NRG3: variants seen among roughly 807,000 people sequenced by gnomAD.
The protein encoded by NRG3 is pro-neuregulin-3, membrane-bound isoform.
In NRG3, 31 loss-of-function variants were observed where a neutral mutation model predicts 66.9. The observed-to-expected ratio is 0.46, with a 90% CI of 0.35 to 0.63. The LOEUF (loss-of-function observed/expected upper bound fraction) is 0.63. Ranked by LOEUF, NRG3 falls within the 20% of genes least tolerant of loss-of-function variation. The probability of loss-of-function intolerance (pLI) is 0.00; values close to 1 mark genes in which losing one functional copy is unlikely to be tolerated. For missense variants in NRG3, 910 were observed against 878.9 expected, an observed-to-expected ratio of 1.04 and a Z score of -0.45; for synonymous variants, 393 against 359.4, an observed-to-expected ratio of 1.09 and a Z score of -1.06.
intron 2 of NRG3, among the ~76,000 whole-genome samples, chr10:82,455,722 C>T (rs1368949751): frequency 6.6e-6 from 1 of 151,578 alleles, no homozygotes; most frequent in Non-Finnish European, 1.5e-5. Context: ...TCACGCCATT[C>T]TCCTGCCTCA....
rs1037103036 is a variant in NRG3, at chr10:82,154,670, G to A, written c.824-204069G>A. ...AGATTGCTTTGGGTAGTTTGGACATGTAAATGATATTAATTCTTCTAATCC... is the reference window on the plus strand; with the variant it reads ...AGATTGCTTTGGGTAGTTTGGACATATAAATGATATTAATTCTTCTAATCC... On this transcript the variant is annotated intron_variant, in intron 1 of 8. Transcript: ENST00000372141. Among the ~76,000 whole-genome samples, 5 of 151,646 alleles carry A rather than the reference G, an allele frequency of 3.3e-5. No homozygotes were observed. The East Asian group carries it at 5.8e-4, about 18-fold the overall frequency.
intron 3 of NRG3, among the ~76,000 whole-genome samples, chr10:82,763,708 C>A (rs535727036): frequency 3.3e-5 from 5 of 151,880 alleles, no homozygotes; most frequent in Non-Finnish European, 7.4e-5. Flanking sequence ...ATACAAAAAT[C>A]ATTTAATTTA....
intron 1 of NRG3, among the ~76,000 whole-genome samples, chr10:82,295,419 C>A (rs1056368154): frequency 7.9e-5 from 12 of 152,062 alleles, no homozygotes; most frequent in Non-Finnish European, 1.6e-4. Context: ...ACAGTATGAC[C>A]TCGGTGGAGC....
intron 2 of NRG3, among the ~76,000 whole-genome samples, chr10:82,438,696 G>T (rs534232043): frequency 6.6e-6 from 1 of 152,292 alleles, no homozygotes; most frequent in Admixed American, 6.5e-5. Flanking sequence ...CCTTCCATGG[G>T]TTGCACAGTT....
intron 1 of NRG3, among the ~76,000 whole-genome samples, chr10:82,263,907 G>A (rs2078163877): frequency 6.6e-6 from 1 of 152,176 alleles, no homozygotes; most frequent in East Asian, 1.9e-4. Context: ...GTTAAAGTTA[G>A]GATATACTGA....
intron 1 of NRG3, among the ~76,000 whole-genome samples, chr10:82,064,810 G>T (rs2064361651): frequency 6.6e-6 from 1 of 152,168 alleles, no homozygotes; most frequent in Non-Finnish European, 1.5e-5. Context: ...TTGCTGAATA[G>T]TGAATTTGGA....
rs115987831 is a variant in NRG3, at chr10:82,689,337, G to A, written c.954-49240G>A. Among the ~76,000 whole-genome samples, 617 of 152,172 alleles carry A rather than the reference G, an allele frequency of 4.1e-3. 4 individuals are homozygous for A. The highest frequency in any genetic ancestry group is 0.013 in the African/African-American group (550 of 41,532). On this transcript the variant is annotated intron_variant, in intron 2 of 8. Transcript: ENST00000372141. ...AATGACTGTAACCTGGTTAAACAAG[G>A]CATTTTTCTCCTGGATTCTGCACAC...
intron 1 of NRG3, among the ~76,000 whole-genome samples, chr10:81,885,852 C>A (rs1842568482): frequency 1.3e-5 from 2 of 151,946 alleles, no homozygotes; most frequent in Admixed American, 6.6e-5. Context: ...TATTGTTAGA[C>A]CAAAGCTTTT....
intron 4 of NRG3, among the ~76,000 whole-genome samples, chr10:82,926,634 A>G (rs997247001): frequency 6.6e-6 from 1 of 152,178 alleles, no homozygotes; most frequent in Non-Finnish European, 1.5e-5. Context: ...ATTTCTTCCC[A>G]TTTCATTCTC....
intron 2 of NRG3, among the ~76,000 whole-genome samples, chr10:82,598,855 G>T (rs1375368957): frequency 6.6e-6 from 1 of 152,094 alleles, no homozygotes; most frequent in Non-Finnish European, 1.5e-5. Context: ...TTCAAGACCA[G>T]TCTGGCCAAC....
chr10:82,872,656 A>G (rs1841441915), intron 4 of NRG3, among the ~76,000 whole-genome samples: 1 of 152,114 alleles, frequency 6.6e-6, no homozygotes, highest in Admixed American at 6.6e-5. Flanking sequence ...AACCTCTAAA[A>G]CTAAAAAGAG....
At chr10:82,263,260 T>C (rs1259190345) in intron 1 of NRG3, among the ~76,000 whole-genome samples, 1 of 151,776 alleles carries the variant, frequency 6.6e-6, no homozygotes, top group African/African-American at 2.4e-5. Context: ...AAGATAGAGA[T>C]GATTGAATTA....
intron 3 of NRG3, among the ~76,000 whole-genome samples, chr10:82,854,800 T>A (rs2063727182): frequency 6.6e-6 from 1 of 152,206 alleles, no homozygotes; most frequent in Non-Finnish European, 1.5e-5. Flanking sequence ...CTGGTTAGGG[T>A]CTCAACTTGC....
At chr10:81,955,103 G>A (rs1052468129) in intron 1 of NRG3, among the ~76,000 whole-genome samples, 1 of 148,144 alleles carries the variant, frequency 6.8e-6, no homozygotes, top group South Asian at 2.1e-4. Context: ...ATATATGTTT[G>A]TTCTGTTATA....
At chr10:82,178,705 TC>T (rs2073209359) in intron 1 of NRG3, among the ~76,000 whole-genome samples, 1 of 152,146 alleles carries the variant, frequency 6.6e-6, no homozygotes, top group Non-Finnish European at 1.5e-5. Flanking sequence ...CTCTTTGAGA[TC>T]CTAATTTCAG....
intron 1 of NRG3, among the ~76,000 whole-genome samples, chr10:82,062,990 A>G (rs1165681087): frequency 1.3e-5 from 2 of 152,022 alleles, no homozygotes; most frequent in African/African-American, 4.8e-5. Flanking sequence ...CGCCCACCCC[A>G]CCAACTTGAT....
intron 1 of NRG3, among the ~76,000 whole-genome samples, chr10:82,063,728 G>A (rs2064292423): frequency 6.6e-6 from 1 of 152,062 alleles, no homozygotes; most frequent in East Asian, 1.9e-4. Flanking sequence ...CTAAATAGCT[G>A]AAGAAAGAAC....
At chr10:82,061,219 C>T (rs1482358918) in intron 1 of NRG3, among the ~76,000 whole-genome samples, 4 of 151,978 alleles carry the variant, frequency 2.6e-5, no homozygotes, top group Admixed American at 6.6e-5. Context: ...GGCGTGGTGG[C>T]GGGTGCCTGT....
Position 82,233,045 on chromosome 10 carries a change from T to C in NRG3, c.824-125694T>C, listed in dbSNP as rs1397462616. 5 of 500,898 alleles carry C rather than the reference T, an allele frequency of 1.0e-5. No individual in the cohort carries two copies. In the East Asian group the frequency reaches 1.6e-4, roughly 16 times the overall value. 31.0% of individuals were successfully genotyped at this position (500,898 alleles called of 1,614,324 possible). ...GTGGCTCTGGGTTGGTTAGTTTGCG[T>C]GCTTCAGGCTGGTCCCTTTCCTATC... is the stretch of plus-strand genomic sequence containing the variant. On this transcript the variant is annotated intron_variant, in intron 1 of 8. Coordinates refer to ENST00000372141, the MANE Select transcript of NRG3 (RefSeq NM_001010848.4).
Sources: allele counts gnomAD v4.1 joint callset (sites outside exome capture counted in the v4.1 genomes callset), GRCh38; gene constraint gnomAD v4.1.1; transcripts MANE v1.5; gene names NCBI Gene and HGNC (gene_info 2026-07-23, HGNC 2026-07-21).